Variants in SLC14A2 observed in about 807,000 individuals in gnomAD.
The protein encoded by SLC14A2 is urea transporter 2.
In SLC14A2, 91 loss-of-function variants were observed where a neutral mutation model predicts 104.6. That is an observed-to-expected ratio of 0.87 (90% CI 0.73 to 1.04). The LOEUF (loss-of-function observed/expected upper bound fraction) is 1.04, where lower values mean the gene tolerates loss of function less well. Among genes scored for constraint, SLC14A2 ranks in the 50% least tolerant of loss-of-function variants. The pLI is 0.00. For missense variants in SLC14A2, 1,189 were observed against 1,156.0 expected, an observed-to-expected ratio of 1.03 and a Z score of -0.41; for synonymous variants, 476 against 466.4, an observed-to-expected ratio of 1.02 and a Z score of -0.27.
chr18:45,417,352 G>C (rs538771439), intron 1 of SLC14A2, among the ~76,000 whole-genome samples: 4 of 152,054 alleles, frequency 2.6e-5, no homozygotes, highest in South Asian at 2.1e-4. Flanking sequence ...CCATTCTCAC[G>C]CTGCTATAAA....
intron 1 of SLC14A2, among the ~76,000 whole-genome samples, chr18:45,462,505 T>A (rs953766774): frequency 6.6e-6 from 1 of 152,198 alleles, no homozygotes; most frequent in Non-Finnish European, 1.5e-5. Context: ...TTCTGAGATA[T>A]GTGATTTGAA....
chr18:45,624,519 C>A (rs2045228987), intron 1 of SLC14A2, 112 bp from the exon 2 acceptor site: 1 of 629,874 alleles, frequency 1.6e-6, no homozygotes, highest in Non-Finnish European at 2.6e-6. Context: ...GTAGATCCCA[C>A]GTGTGTCACT....
intron 1 of SLC14A2, among the ~76,000 whole-genome samples, chr18:45,329,553 G>C (rs1028750523): frequency 2.6e-5 from 4 of 152,144 alleles, no homozygotes; most frequent in Non-Finnish European, 4.4e-5. Context: ...TATAAGGAGG[G>C]GGTAAGACTC....
At position 45,628,078 on chromosome 18, in the gene SLC14A2, G is replaced by A. The variant is rs192175851; in HGVS notation, c.521+931G>A. Among the ~76,000 whole-genome samples the A allele has an allele frequency of 4.5e-4, 69 of 151,676 alleles. No individual in the cohort carries two copies. In the East Asian group the frequency reaches 0.012, roughly 27 times the overall value. On this transcript the variant is annotated intron_variant, in intron 4 of 19. Coordinates refer to ENST00000255226, the MANE Select transcript of SLC14A2 (RefSeq NM_007163.4). The stretch of plus-strand genomic sequence containing the variant: ...ATTTTGTAGAACTTGACCACTTCCT[G>A]AGACTTTGCCGTATATTTTTCCAGT...
intron 2 of SLC14A2, among the ~76,000 whole-genome samples, chr18:45,566,744 G>A (rs566644160): frequency 5.3e-5 from 8 of 152,320 alleles, no homozygotes; most frequent in African/African-American, 1.9e-4. Flanking sequence ...ACTCTTGGGG[G>A]CAGGAAGATG....
At chr18:45,579,138 G>A (rs139402039) in intron 2 of SLC14A2, among the ~76,000 whole-genome samples, 3 of 152,232 alleles carry the variant, frequency 2.0e-5, no homozygotes, top group Non-Finnish European at 4.4e-5. Context: ...AAAAGAAAAT[G>A]TCACTTCTGC....
At chr18:45,323,623 T>G (rs2085206067) in intron 1 of SLC14A2, among the ~76,000 whole-genome samples, 2 of 152,242 alleles carry the variant, frequency 1.3e-5, no homozygotes, top group Admixed American at 1.3e-4. Context: ...CAAAATCAGT[T>G]AAACATTAGC....
intron 2 of SLC14A2, among the ~76,000 whole-genome samples, chr18:45,553,917 G>A (rs965029435): frequency 3.3e-5 from 5 of 152,140 alleles, no homozygotes; most frequent in Non-Finnish European, 7.3e-5. Context: ...GCCATACAAG[G>A]GTTCCCATCT....
intron 1 of SLC14A2, among the ~76,000 whole-genome samples, chr18:45,326,911 G>C (rs1050860214): frequency 6.6e-6 from 1 of 152,204 alleles, no homozygotes; most frequent in Non-Finnish European, 1.5e-5. Context: ...CAGGAACATA[G>C]AAAGTCAGTT....
intron 1 of SLC14A2, among the ~76,000 whole-genome samples, chr18:45,218,687 C>T (rs1471196952): frequency 1.3e-5 from 2 of 152,150 alleles, no homozygotes; most frequent in Non-Finnish European, 2.9e-5. Context: ...TCTTTAAGCT[C>T]TCTTTCTTCT....
At chr18:45,207,669 A>T in the SLC14A2 span, among the ~76,000 whole-genome samples, 3 of 152,184 alleles carry the variant, frequency 2.0e-5, no homozygotes, top group African/African-American at 7.2e-5. Flanking sequence ...TAAGAAGTTG[A>T]CTCTGCCGAA....
the SLC14A2 span, among the ~76,000 whole-genome samples, chr18:45,179,234 A>G: frequency 1.9e-4 from 29 of 152,094 alleles, no homozygotes; most frequent in Non-Finnish European, 4.0e-4. Flanking sequence ...ACACCAAACA[A>G]TCTATTTGCA....
chr18:45,312,946 G>T (rs181692852), intron 1 of SLC14A2, among the ~76,000 whole-genome samples: 3 of 152,170 alleles, frequency 2.0e-5, no homozygotes, highest in Non-Finnish European at 4.4e-5. Context: ...AAGCCGGTTG[G>T]CCTCGTCAGT....
At chr18:45,280,158 C>G (rs575091372) in intron 1 of SLC14A2, among the ~76,000 whole-genome samples, 1 of 152,288 alleles carries the variant, frequency 6.6e-6, no homozygotes, top group East Asian at 1.9e-4. Flanking sequence ...TTCCAGAGCA[C>G]ACAACTAATG....
chr18:45,297,208 A>T (rs1434632488), intron 1 of SLC14A2, among the ~76,000 whole-genome samples: 1 of 152,238 alleles, frequency 6.6e-6, no homozygotes, highest in African/African-American at 2.4e-5. Context: ...CCTTGTTAGA[A>T]GGTGATATTT....
chr18:45,676,123 A>G (rs1303949510), intron 18 of SLC14A2, among the ~76,000 whole-genome samples: 1 of 152,222 alleles, frequency 6.6e-6, no homozygotes, highest in Non-Finnish European at 1.5e-5. Flanking sequence ...AGAGATCTTT[A>G]AAATCAGTCG....
At chr18:45,224,517 C>T (rs1425809819) in intron 1 of SLC14A2, among the ~76,000 whole-genome samples, 1 of 152,088 alleles carries the variant, frequency 6.6e-6, no homozygotes, top group Non-Finnish European at 1.5e-5. Context: ...GTGAATGGGC[C>T]CAACTATGGG....
chr18:45,179,538 A>G, the SLC14A2 span, among the ~76,000 whole-genome samples: 2 of 152,216 alleles, frequency 1.3e-5, no homozygotes, highest in African/African-American at 4.8e-5. Context: ...GCCACATTGT[A>G]AGAAGAATAA....
chr18:45,283,336 A>AAG (rs1353153800), intron 1 of SLC14A2, among the ~76,000 whole-genome samples: 2 of 133,278 alleles, frequency 1.5e-5, no homozygotes, highest in African/African-American at 6.2e-5. Context: ...TAATGCTGTG[A>AAG]CCCTCCTGAC....
Sources: gnomAD v4.1 joint callset for allele counts (sites outside exome capture counted in the v4.1 genomes callset) on GRCh38, gnomAD v4.1.1 for gene constraint, MANE v1.5 for transcripts, NCBI Gene and HGNC (gene_info 2026-07-23, HGNC 2026-07-21) for gene names.